The following ZNF423 variants were observed in gnomAD, a reference collection of about 807,000 sequenced individuals.
ZNF423 encodes the protein zinc finger protein 423.
Under a neutral mutation model 95.8 loss-of-function variants are expected in ZNF423, and 12 were observed. The observed-to-expected ratio is 0.13, with a 90% confidence interval of 0.08 to 0.20. The LOEUF (loss-of-function observed/expected upper bound fraction) is 0.20. Among genes scored for constraint, ZNF423 ranks in the 10% least tolerant of loss-of-function variants. The pLI is 1.00. For missense variants in ZNF423, 1,316 were observed against 1,737.1 expected (o/e 0.76, Z 4.31); for synonymous variants, 749 against 711.9 (o/e 1.05, Z -0.83).
chr16:49,691,998 G>A (rs754014781), intron 3 of ZNF423, among the ~76,000 whole-genome samples: 3 of 151,924 alleles, frequency 2.0e-5, no homozygotes, highest in Admixed American at 1.3e-4. Flanking sequence ...GGCGCAGGCT[G>A]GAGTGCAGTG....
chr16:49,846,180 T>C (rs571991366), intron 1 of ZNF423, among the ~76,000 whole-genome samples: 1 of 151,452 alleles, frequency 6.6e-6, no homozygotes, highest in Non-Finnish European at 1.5e-5. Context: ...CACATGCCTG[T>C]AATCCCAGCT....
At chr16:49,709,458 C>T (rs547311574) in intron 3 of ZNF423, among the ~76,000 whole-genome samples, 1 of 152,078 alleles carries the variant, frequency 6.6e-6, no homozygotes, top group African/African-American at 2.4e-5. Flanking sequence ...ACGCCAGGTA[C>T]GATGCCAGCC....
intron 3 of ZNF423, among the ~76,000 whole-genome samples, chr16:49,716,682 T>C (rs2032716915): frequency 6.6e-6 from 1 of 152,172 alleles, no homozygotes; most frequent in African/African-American, 2.4e-5. Context: ...TCTTTTCCTG[T>C]TCCGAATCCC....
Position 49,789,552 on chromosome 16 carries a change from A to G in ZNF423, c.41-6T>C. ...TGAGGCCTCCCCCTCTTCAACTGAA[A>G]GAGAGAACAGAGATGGGCCTGTGAG... On this transcript the variant is annotated splice_polypyrimidine_tract_variant and splice_region_variant and intron_variant, in intron 1 of 7. Transcript: ENST00000563137. 1 of 1,611,364 alleles carries G rather than the reference A, an allele frequency of 6.2e-7. No homozygotes were observed. The highest frequency in any genetic ancestry group is 1.1e-5 in the South Asian group (1 of 90,652).
chr16:49,576,254 C>T (rs373003141), intron 5 of ZNF423, among the ~76,000 whole-genome samples: 2 of 152,192 alleles, frequency 1.3e-5, no homozygotes, highest in Non-Finnish European at 2.9e-5. Context: ...GAACAGCAAC[C>T]GTGGCTGTGG....
chr16:49,697,732 CGT>C (rs942500437), intron 3 of ZNF423, among the ~76,000 whole-genome samples: 9 of 152,220 alleles, frequency 5.9e-5, no homozygotes, highest in African/African-American at 1.9e-4. Context: ...TGCGTTCACG[CGT>C]GTTTCTGCAA....
At chr16:49,504,819 A>G (rs887162881) in intron 7 of ZNF423, among the ~76,000 whole-genome samples, 1 of 152,126 alleles carries the variant, frequency 6.6e-6, no homozygotes, top group Non-Finnish European at 1.5e-5. Context: ...ACTGTTGTCT[A>G]CAGTGTGGCT....
chr16:49,744,154 G>A (rs7204141), intron 2 of ZNF423, among the ~76,000 whole-genome samples: 3,128 of 152,298 alleles, frequency 0.021, 106 homozygotes, highest in African/African-American at 0.072. Flanking sequence ...CTTCCCGTCA[G>A]TCCCCAAGAG....
chr16:49,567,698 G>A (rs556521825), intron 5 of ZNF423, among the ~76,000 whole-genome samples: 1 of 152,326 alleles, frequency 6.6e-6, no homozygotes, highest in East Asian at 1.9e-4. Flanking sequence ...AGGAAATTAG[G>A]TGCATGAGAT....
At chr16:49,527,127 C>T (rs1257156858) in intron 5 of ZNF423, among the ~76,000 whole-genome samples, 2 of 152,100 alleles carry the variant, frequency 1.3e-5, no homozygotes, top group South Asian at 2.1e-4. Flanking sequence ...TCCCCCTGGC[C>T]CAGCCATCCC....
At chr16:49,642,780 C>T (rs1350568726) in intron 3 of ZNF423, among the ~76,000 whole-genome samples, 1 of 149,008 alleles carries the variant, frequency 6.7e-6, no homozygotes, top group Non-Finnish European at 1.5e-5. Context: ...GGGGCGTCAG[C>T]AGAGAAAGCG....
intron 1 of ZNF423, among the ~76,000 whole-genome samples, chr16:49,833,413 A>G (rs1264506364): frequency 6.6e-6 from 1 of 152,248 alleles, no homozygotes; most frequent in Non-Finnish European, 1.5e-5. Context: ...CACTATGCAA[A>G]TGAAACCTCC....
rs1344396322 is a variant in ZNF423 at position 49,488,932 on chromosome 16, G to C, written c.*2343C>G. ...GGAGAACAATGCGGCCGGGGTGAGGGGGGAGTCGGTGGGGTTCCCTGGCTG... is the reference window on the plus strand; with the variant it reads ...GGAGAACAATGCGGCCGGGGTGAGGCGGGAGTCGGTGGGGTTCCCTGGCTG... On this transcript the variant is annotated 3_prime_UTR_variant, in exon 8 of 8. Transcript: ENST00000563137. The C allele has an allele frequency of 6.6e-6, 1 of 152,666 alleles. No homozygotes were observed. The highest frequency in any genetic ancestry group is 1.5e-5 in the Non-Finnish European group (1 of 68,468). The allele number at this position is 152,666 out of a possible 1,614,324, so 9.5% of individuals were successfully genotyped here.
chr16:49,620,938 GT>G (rs1245215830), intron 5 of ZNF423, among the ~76,000 whole-genome samples: 1 of 152,176 alleles, frequency 6.6e-6, no homozygotes, highest in East Asian at 1.9e-4. Context: ...TTCAACACAT[GT>G]GGGCAGACCC....
At chr16:49,721,553 G>A (rs890794545) in intron 3 of ZNF423, among the ~76,000 whole-genome samples, 3 of 152,080 alleles carry the variant, frequency 2.0e-5, no homozygotes, top group Non-Finnish European at 4.4e-5. Context: ...AACAGAAACC[G>A]GGGACAGCCC....
chr16:49,710,942 G>T (rs2032523932), intron 3 of ZNF423, among the ~76,000 whole-genome samples: 1 of 152,132 alleles, frequency 6.6e-6, no homozygotes, highest in Admixed American at 6.5e-5. Flanking sequence ...TTATTTCAGG[G>T]TTTCTCTCCC....
chr16:49,599,239 T>A (rs1360295238), intron 5 of ZNF423, among the ~76,000 whole-genome samples: 2 of 152,196 alleles, frequency 1.3e-5, no homozygotes, highest in Non-Finnish European at 2.9e-5. Context: ...CAAATTTCCA[T>A]GTTCCAAAGA....
At chr16:49,573,978 G>T (rs753528630) in intron 5 of ZNF423, among the ~76,000 whole-genome samples, 1 of 152,210 alleles carries the variant, frequency 6.6e-6, no homozygotes, top group African/African-American at 2.4e-5. Context: ...ACAGCAAGCC[G>T]TACCAATCTC....
chr16:49,502,513 G>A (rs1010641448), intron 7 of ZNF423, among the ~76,000 whole-genome samples: 29 of 152,124 alleles, frequency 1.9e-4, no homozygotes, highest in African/African-American at 7.0e-4. Context: ...GGCTGTCTCG[G>A]GGGTTGTCCG....
Sources: gnomAD v4.1 joint callset for allele counts (sites outside exome capture counted in the v4.1 genomes callset) on GRCh38, gnomAD v4.1.1 for gene constraint, MANE v1.5 for transcripts, NCBI Gene and HGNC (gene_info 2026-07-23, HGNC 2026-07-21) for gene names.